Variants in PTPRE observed in about 807,000 individuals in gnomAD.
PTPRE encodes receptor-type tyrosine-protein phosphatase epsilon.
Under a neutral mutation model 102.0 loss-of-function variants are expected in PTPRE, and 51 were observed. That is an observed-to-expected ratio of 0.50 (90% CI 0.40 to 0.63). The LOEUF (loss-of-function observed/expected upper bound fraction) is 0.63, where lower values mean the gene tolerates loss of function less well. Among genes scored for constraint, PTPRE ranks in the 30% least tolerant of loss-of-function variants. The pLI is 0.00. For missense variants in PTPRE, 752 were observed against 915.1 expected (o/e 0.82, Z 2.30); for synonymous variants, 345 against 348.2 (o/e 0.99, Z 0.10).
At chr10:127,943,859 C>G (rs956615289) in intron 1 of PTPRE, among the ~76,000 whole-genome samples, 8 of 152,136 alleles carry the variant, frequency 5.3e-5, no homozygotes, top group Non-Finnish European at 1.2e-4. Flanking sequence ...ACTGGAATGA[C>G]CGTGCCCACT....
chr10:127,965,315 C>CTT (rs72280254), intron 1 of PTPRE, among the ~76,000 whole-genome samples: 8 of 147,038 alleles, frequency 5.4e-5, no homozygotes, highest in African/African-American at 1.2e-4. Context: ...ATAGCTCAAT[C>CTT]TTTTTTTTTT....
intron 1 of PTPRE, among the ~76,000 whole-genome samples, chr10:127,916,427 C>G (rs1846212662): frequency 6.6e-6 from 1 of 152,156 alleles, no homozygotes; most frequent in Non-Finnish European, 1.5e-5. Context: ...CCATGATTGT[C>G]AGTTTCCTGA....
intron 1 of PTPRE, among the ~76,000 whole-genome samples, chr10:127,950,606 A>T (rs926077826): frequency 3.9e-5 from 6 of 152,148 alleles, no homozygotes; most frequent in African/African-American, 9.7e-5. Context: ...TACAGTGGGA[A>T]CCTCAGTCAC....
At chr10:128,069,145 G>C (rs1011354454) in intron 12 of PTPRE, 2 of 152,778 alleles carry the variant, frequency 1.3e-5, no homozygotes, top group African/African-American at 2.4e-5. Flanking sequence ...AGCAACACTC[G>C]CTTGCTGGGG....
At chr10:127,992,414 C>T (rs149715574) in intron 2 of PTPRE, among the ~76,000 whole-genome samples, 104 of 152,274 alleles carry the variant, frequency 6.8e-4, no homozygotes, top group African/African-American at 2.0e-3. Context: ...AGTTCTCGCA[C>T]GAAATTCATA....
chr10:127,961,135 G>A (rs367638292), intron 1 of PTPRE, among the ~76,000 whole-genome samples: 6 of 152,146 alleles, frequency 3.9e-5, no homozygotes, highest in East Asian at 1.9e-4. Flanking sequence ...GGGGCTTTGC[G>A]AGGGGTCTTT....
At chr10:128,067,213 CAT>C (rs1850256888) in intron 11 of PTPRE, among the ~76,000 whole-genome samples, 1 of 123,332 alleles carries the variant, frequency 8.1e-6, no homozygotes. Context: ...CACCCACACA[CAT>C]TCACATGCAC....
At chr10:128,015,146 AAAAGACCTGTACCCAAGCATTCATAGC>A (rs1279998985) in intron 2 of PTPRE, among the ~76,000 whole-genome samples, 1 of 152,208 alleles carries the variant, frequency 6.6e-6, no homozygotes, top group African/African-American at 2.4e-5. Context: ...TGTGTCCACA[AAAAGACCTGTACCCAAGCATTCATAGC>A]AAAGACCTGT....
intron 1 of PTPRE, among the ~76,000 whole-genome samples, chr10:127,965,538 AGTC>A (rs1850182342): frequency 6.6e-6 from 1 of 152,218 alleles, no homozygotes; most frequent in African/African-American, 2.4e-5. Flanking sequence ...CTTAGGAAGA[AGTC>A]GTGATTTACC....
chr10:128,080,635 T>C (rs4353188), intron 20 of PTPRE, among the ~76,000 whole-genome samples: 44,967 of 152,074 alleles, frequency 0.3, 7,017 homozygotes, highest in East Asian at 0.42. Flanking sequence ...GCATCTGTCA[T>C]CCAGGTGTCC....
At chr10:128,006,348 G>C (rs1025635544) in intron 2 of PTPRE, among the ~76,000 whole-genome samples, 1 of 152,182 alleles carries the variant, frequency 6.6e-6, no homozygotes, top group Non-Finnish European at 1.5e-5. Context: ...CACAGACAAG[G>C]TTCAACCTGA....
In PTPRE at chr10:128,070,230, C is replaced by G. The variant is rs987783213; in HGVS notation, c.1144-71C>G. On this transcript the variant is annotated intron_variant, in intron 13 of 20. Coordinates refer to ENST00000254667, the MANE Select transcript of PTPRE (RefSeq NM_006504.6). The surrounding 1 kb of genome is among the most constrained non-coding windows in gnomAD (Gnocchi z 4.8). ...AAAGAAGAAAGCCGCCCTCTTTGGT[C>G]TGCCAAGCTCCACGTGGGCCAAGAC... is the stretch of plus-strand genomic sequence containing the variant. 20 of 1,501,880 alleles carry G rather than the reference C, an allele frequency of 1.3e-5. No individual in the cohort carries two copies. In the Middle Eastern group the frequency reaches 5.6e-4, roughly 42 times the overall value. The allele number at this position is 1,501,880 out of a possible 1,614,324, so 93.0% of individuals were successfully genotyped here.
In PTPRE at chr10:128,014,010, C is replaced by G. The variant is rs924741665; in HGVS notation, c.-7-26865C>G. Among the ~76,000 whole-genome samples the G allele has an allele frequency of 2.0e-5, 3 of 152,164 alleles. No individual in the cohort carries two copies. In the East Asian group the frequency reaches 5.8e-4, roughly 29 times the overall value. The stretch of plus-strand genomic sequence containing the variant: ...TAGACAAGACCCAATGTGCCCCTAC[C>G]TCTGCCATTCTCTTGAAGTGTGCCT... On this transcript the variant is annotated intron_variant, in intron 2 of 20. Transcript: ENST00000254667.
chr10:128,050,530 T>C (rs1200552105), intron 6 of PTPRE, among the ~76,000 whole-genome samples: 1 of 152,210 alleles, frequency 6.6e-6, no homozygotes, highest in Admixed American at 6.5e-5. Flanking sequence ...TGAGGAAGTA[T>C]TGTCTTGGAT....
intron 2 of PTPRE, among the ~76,000 whole-genome samples, chr10:128,018,168 T>G (rs1845589112): frequency 6.7e-6 from 1 of 148,380 alleles, no homozygotes; most frequent in African/African-American, 2.5e-5. Flanking sequence ...GCTGGGGGCG[T>G]GGGAGGTAGG....
rs59873750 is a variant in PTPRE, at chr10:128,042,937, G to T, written c.109+1947G>T. Among the ~76,000 whole-genome samples the T allele has an allele frequency of 7.5e-3, 1,140 of 152,270 alleles. 10 individuals are homozygous for T. The highest frequency in any genetic ancestry group is 0.024 in the African/African-American group (1,011 of 41,536). On this transcript the variant is annotated intron_variant, in intron 3 of 20. Transcript: ENST00000254667. ...TATGTTTCACTAATCATGAAAAGAT[G>T]CTCAACTCTCTAGAAATTAGAGAAA...
In PTPRE at chr10:127,997,019, A is replaced by G. The variant is rs544810464; in HGVS notation, c.-8+14723A>G. 2.0e-5 allele frequency among the ~76,000 whole-genome samples: 3 copies of G among 152,180 alleles called. No homozygotes were observed. The South Asian group carries it at 6.2e-4, about 32-fold the overall frequency. On this transcript the variant is annotated intron_variant, in intron 2 of 20. Coordinates refer to ENST00000254667, the MANE Select transcript of PTPRE (RefSeq NM_006504.6). Reference sequence around the variant, plus strand: ...AGAAATTAAAACATGCAAAGCAAAAAACAAATAGAAAAAAAAAGAACACAG... The same window carrying G: ...AGAAATTAAAACATGCAAAGCAAAAGACAAATAGAAAAAAAAAGAACACAG...
chr10:128,057,202 A>G (rs1295811058), intron 7 of PTPRE, among the ~76,000 whole-genome samples: 1 of 149,198 alleles, frequency 6.7e-6, no homozygotes, highest in African/African-American at 2.5e-5. Flanking sequence ...GGGGAACAAG[A>G]GCGAAACTCC....
intron 7 of PTPRE, among the ~76,000 whole-genome samples, chr10:128,060,023 CCA>C (rs1849398872): frequency 6.7e-6 from 1 of 149,624 alleles, no homozygotes; most frequent in African/African-American, 2.5e-5. Flanking sequence ...ACCACACACT[CCA>C]CACAAACATA....
Sources: allele counts gnomAD v4.1 joint callset (sites outside exome capture counted in the v4.1 genomes callset), GRCh38; gene constraint gnomAD v4.1.1; non-coding constraint Gnocchi (gnomAD v3.1); transcripts MANE v1.5; gene names NCBI Gene and HGNC (gene_info 2026-07-23, HGNC 2026-07-21).